The following FBXO32 variants were observed in gnomAD, a reference collection of about 807,000 sequenced individuals.
FBXO32 encodes F-box only protein 32.
FBXO32 carries 15 observed loss-of-function variants against 48.3 expected under a neutral mutation model. The observed-to-expected ratio is 0.31, with a 90% CI of 0.21 to 0.48. FBXO32 has a LOEUF of 0.48. FBXO32 is among the 20% of genes least tolerant of loss of function. FBXO32 has a pLI of 0.99. For missense variants in FBXO32, 309 were observed against 432.7 expected, an observed-to-expected ratio of 0.71 and a Z score of 2.54; for synonymous variants, 154 against 165.9, an observed-to-expected ratio of 0.93 and a Z score of 0.55.
rs117842789 is a variant in FBXO32 at position 123,539,754 on chromosome 8, A to G, written c.116+1145T>C. On this transcript the variant is annotated intron_variant, in intron 1 of 8. Transcript: ENST00000517956. ...TTGCCAATGCTTCATCCAAGCAACG[A>G]CTGGTAAATCTCAGTAAGCGGGAAC... Among the ~76,000 whole-genome samples the G allele has an allele frequency of 6.2e-3, 951 of 152,344 alleles. 7 individuals are homozygous for G. Among genetic ancestry groups the G allele is most frequent in the South Asian group, 0.016 (77 of 4,828 alleles).
chr8:123,533,919 C>G (rs1441832287), intron 2 of FBXO32, among the ~76,000 whole-genome samples: 1 of 151,934 alleles, frequency 6.6e-6, no homozygotes, highest in Admixed American at 6.6e-5. Context: ...ATGGCGAAAC[C>G]CTGTCTCTAC....
At chr8:123,528,850 T>C (rs1817143402) in intron 4 of FBXO32, among the ~76,000 whole-genome samples, 1 of 152,236 alleles carries the variant, frequency 6.6e-6, no homozygotes, top group South Asian at 2.1e-4. Flanking sequence ...TTTTTGTTTT[T>C]TTCCCAAATG....
At chr8:123,530,375 A>C (rs954401435) in intron 4 of FBXO32, among the ~76,000 whole-genome samples, 5 of 152,142 alleles carry the variant, frequency 3.3e-5, no homozygotes, top group South Asian at 2.1e-4. Context: ...GAAGCACAAC[A>C]ACCCAGGAAA....
At chr8:123,504,922 T>TA (rs1816583235) in intron 7 of FBXO32, among the ~76,000 whole-genome samples, 175 bp from the exon 8 acceptor site, 1 of 152,126 alleles carries the variant, frequency 6.6e-6, no homozygotes, top group Non-Finnish European at 1.5e-5. Flanking sequence ...TCTCCTCAGT[T>TA]AAACAGTAGC....
In FBXO32 at chr8:123,504,649, T is replaced by A. The variant is rs1382892384; in HGVS notation, c.933A>T (p.Gly311=). ...VRCYPRKEQY[G]DTLQLCKHCH... Reference sequence around the variant, plus strand: ...AGTGTTTGCAGAGCTGAAGGGTATCTCCATACTGCTCTTTCCTTGGGTAAC... The same window carrying A: ...AGTGTTTGCAGAGCTGAAGGGTATCACCATACTGCTCTTTCCTTGGGTAAC... Residue 311 remains glycine (G), a synonymous_variant, in exon 8 of 9, where the codon GGA becomes GGT. Transcript: ENST00000517956. 2 of 1,614,058 alleles carry A rather than the reference T, an allele frequency of 1.2e-6. No individual in the cohort carries two copies. The highest frequency in any genetic ancestry group is 1.7e-6 in the Non-Finnish European group (2 of 1,179,972).
rs1267768141 is a variant in FBXO32 at position 123,506,974 on chromosome 8, A to C, written c.652-400T>G. Among the ~76,000 whole-genome samples, 1 of 152,034 alleles carries C rather than the reference A, an allele frequency of 6.6e-6. No individual in the cohort carries two copies. The highest frequency in any genetic ancestry group is 2.4e-5 in the African/African-American group (1 of 41,376). The stretch of plus-strand genomic sequence containing the variant: ...TCCCATCTCTCTGGCCCCCCTCCAG[A>C]CATCAGGTCCCTCCAAGTAGGTTTA... On this transcript the variant is annotated intron_variant, in intron 6 of 8. Transcript: ENST00000517956. The surrounding 1 kb of genome is among the most constrained non-coding windows in gnomAD (Gnocchi z 4.0).
chr8:123,500,080 T>G lies in FBXO32; in HGVS notation c.*3293A>C, dbSNP rs1816449988. The G allele has an allele frequency of 6.6e-6, 1 of 152,230 alleles. No homozygotes were observed. The highest frequency in any genetic ancestry group is 1.5e-5 in the Non-Finnish European group (1 of 68,036). 9.4% of individuals were successfully genotyped at this position (152,230 alleles called of 1,614,324 possible). A position where few individuals can be genotyped will look rare whatever the true frequency, so the allele number is the denominator to read the frequency against. On this transcript the variant is annotated 3_prime_UTR_variant, in exon 9 of 9. Transcript: ENST00000517956. The stretch of plus-strand genomic sequence containing the variant: ...CCATTTGCCCTCCCATTCAACTGAT[T>G]TGTCTGCTCAAAGTAACAGCATTGA...
chr8:123,540,955 G>T lies in FBXO32; in HGVS notation c.60C>A (p.Asp20Glu), dbSNP rs568106989. The change falls in exon 1 of 9, where the codon GAC becomes GAA. Residue 20 changes from aspartate (D) to glutamate (E), a missense_variant. Asp to Glu is a conservative substitution (Grantham distance 45). Transcript: ENST00000517956. The surrounding 1 kb of genome is among the most constrained non-coding windows in gnomAD (Gnocchi z 6.4). The stretch of plus-strand genomic sequence containing the variant: ...TCTCATCCAGGAAGCGCTTCCAGCC[G>T]TCGGCCGTCTTCACCCAGTTCTGCC... ...SPGQNWVKTA[D>E]GWKRFLDEKS... 1 of 1,613,332 alleles carries T rather than the reference G, an allele frequency of 6.2e-7. No individual in the cohort carries two copies. Among genetic ancestry groups the T allele is most frequent in the Non-Finnish European group, 8.5e-7 (1 of 1,179,676 alleles).
intron 1 of FBXO32, among the ~76,000 whole-genome samples, chr8:123,536,334 G>A (rs960961662): frequency 2.6e-5 from 4 of 152,308 alleles, no homozygotes; most frequent in Non-Finnish European, 4.4e-5. Context: ...AGCAAGCCAA[G>A]GATGAGTATT....
rs1816767629 is a variant in FBXO32 at position 123,513,092 on chromosome 8, G to T, written c.651+106C>A. 1.6e-6 allele frequency: 2 copies of T among 1,234,226 alleles called. No homozygotes were observed. Among genetic ancestry groups the T allele is most frequent in the African/African-American group, 1.5e-5 (1 of 66,942 alleles). The allele number at this position is 1,234,226 out of a possible 1,614,324, so 76.5% of individuals were successfully genotyped here. On this transcript the variant is annotated intron_variant, in intron 6 of 8. Coordinates refer to ENST00000517956, the MANE Select transcript of FBXO32 (RefSeq NM_058229.4). This position sits in a 1 kb window ranked among gnomAD's most constrained non-coding sequence, Gnocchi z 4.3. ...CAGAACAAAGCAGCAGATCAGAAAAGACCAGACTCTTCCGTCACAGGAGTG... is the reference window on the plus strand; with the variant it reads ...CAGAACAAAGCAGCAGATCAGAAAATACCAGACTCTTCCGTCACAGGAGTG...
rs145369705 is a variant in FBXO32, at chr8:123,514,711, C to G, written c.373-378G>C. Among the ~76,000 whole-genome samples the G allele has an allele frequency of 3.3e-5, 5 of 152,326 alleles. No individual in the cohort carries two copies. In the South Asian group the frequency reaches 1.0e-3, roughly 32 times the overall value. On this transcript the variant is annotated intron_variant, in intron 4 of 8. Coordinates refer to ENST00000517956, the MANE Select transcript of FBXO32 (RefSeq NM_058229.4). ...CCTCCCGGGGGAATTCTTCTGCCCCCGCTTGAACTTCTTCCTTATTGGCAC... is the reference window on the plus strand; with the variant it reads ...CCTCCCGGGGGAATTCTTCTGCCCCGGCTTGAACTTCTTCCTTATTGGCAC...
chr8:123,514,627 G>T (rs182811378), intron 4 of FBXO32, among the ~76,000 whole-genome samples: 2 of 152,220 alleles, frequency 1.3e-5, no homozygotes, highest in Non-Finnish European at 2.9e-5. Context: ...TGAAGCTGAC[G>T]TACCCTGAAG....
intron 2 of FBXO32, 129 bp from the exon 3 acceptor site, chr8:123,533,369 A>C (rs1817247230): frequency 1.4e-6 from 1 of 707,070 alleles, no homozygotes; most frequent in African/African-American, 1.8e-5. Flanking sequence ...TGACAACTGA[A>C]GAAGTTTCAA....
At chr8:123,512,201 T>C (rs1216269822) in intron 6 of FBXO32, among the ~76,000 whole-genome samples, 1 of 152,236 alleles carries the variant, frequency 6.6e-6, no homozygotes, top group Non-Finnish European at 1.5e-5. Flanking sequence ...TAAGTGGCTC[T>C]AAGGAAGTCA....
At position 123,506,307 on chromosome 8, in the gene FBXO32, C is replaced by T. The variant is rs938061216; in HGVS notation, c.834+85G>A. On this transcript the variant is annotated intron_variant, in intron 7 of 8. Coordinates refer to ENST00000517956, the MANE Select transcript of FBXO32 (RefSeq NM_058229.4). This position sits in a 1 kb window ranked among gnomAD's most constrained non-coding sequence, Gnocchi z 4.0. Reference sequence around the variant, plus strand: ...AACCTGGAATAGGGGGAACCCAGACCTCAGGCTTGAGCAGGGCACCAAGGA... The same window carrying T: ...AACCTGGAATAGGGGGAACCCAGACTTCAGGCTTGAGCAGGGCACCAAGGA... 4.8e-6 allele frequency: 7 copies of T among 1,455,106 alleles called. No individual in the cohort carries two copies. The highest frequency in any genetic ancestry group is 1.9e-5 in the Admixed American group (1 of 53,102). The allele number at this position is 1,455,106 out of a possible 1,614,324, so 90.1% of individuals were successfully genotyped here.
intron 6 of FBXO32, among the ~76,000 whole-genome samples, chr8:123,507,605 C>A (rs993313001): frequency 1.3e-5 from 2 of 152,092 alleles, no homozygotes; most frequent in Non-Finnish European, 2.9e-5. Context: ...GTGGATGATA[C>A]CTTGGCAATT....
At chr8:123,516,413 T>A (rs1816840516) in intron 4 of FBXO32, among the ~76,000 whole-genome samples, 1 of 152,076 alleles carries the variant, frequency 6.6e-6, no homozygotes, top group Admixed American at 6.5e-5. Flanking sequence ...GAGAGTTTCA[T>A]CTCCTGGCCA....
rs577343378 is a variant in FBXO32 at position 123,535,951 on chromosome 8, T to C, written c.117-1137A>G. 1.7e-3 allele frequency among the ~76,000 whole-genome samples: 258 copies of C among 152,292 alleles called. 2 individuals are homozygous for C. The highest frequency in any genetic ancestry group is 2.5e-3 in the Non-Finnish European group (172 of 68,028). ...GATATACATCTGTTGGGTACAATTA[T>C]GTACATCTGCACTTCTCTATTTCCT... On this transcript the variant is annotated intron_variant, in intron 1 of 8. Transcript: ENST00000517956.
chr8:123,510,897 A>G (rs1018048259), intron 6 of FBXO32, among the ~76,000 whole-genome samples: 6 of 152,226 alleles, frequency 3.9e-5, no homozygotes, highest in African/African-American at 1.4e-4. Flanking sequence ...GCTGCTCGGA[A>G]GAAGGTGATA....
Sources: allele counts gnomAD v4.1 joint callset (sites outside exome capture counted in the v4.1 genomes callset), GRCh38; gene constraint gnomAD v4.1.1; non-coding constraint Gnocchi (gnomAD v3.1); transcripts MANE v1.5; gene names NCBI Gene and HGNC (gene_info 2026-07-23, HGNC 2026-07-21).